The following RGS11 variants were observed in gnomAD, a reference collection of about 807,000 sequenced individuals.
RGS11 encodes the protein regulator of G protein signaling 11, also known as regulator of G-protein signaling 11.
Under a neutral mutation model 71.1 loss-of-function variants are expected in RGS11, and 86 were observed. The ratio of observed to expected loss-of-function variants is 1.21; its 90% CI spans 1.02 to 1.45. RGS11 has a LOEUF of 1.45. Ranked by LOEUF, RGS11 falls within the 40% of genes most tolerant of loss-of-function variation. RGS11 has a pLI of 0.00. For missense variants in RGS11, 734 were observed against 635.1 expected (o/e 1.16, Z -1.67); for synonymous variants, 298 against 254.2 (o/e 1.17, Z -1.64).
In RGS11 at chr16:274,993, T is replaced by A. The variant is rs757610155; in HGVS notation, c.301A>T (p.Thr101Ser). Residue 101 changes from threonine to serine, a missense_variant, in exon 4 of 17, where the codon ACG (threonine) becomes TCG (serine). By Grantham distance (58) the Thr-to-Ser change is moderately conservative. Transcript: ENST00000397770. Reference protein sequence around the residue: ...PRSLMLRPDETPYRFQTPYFW... With the variant: ...PRSLMLRPDESPYRFQTPYFW... ...AGCCTGACCTGGAACCTGTAGGGCG[T>A]CTCGTCTGGCCGGAGCATGAGGCTA... 1 of 1,540,398 alleles carries A rather than the reference T, an allele frequency of 6.5e-7. No individual in the cohort carries two copies. The highest frequency in any genetic ancestry group is 8.8e-7 in the Non-Finnish European group (1 of 1,141,342).
At chr16:271,784 A>G (rs756240162) in intron 9 of RGS11, 18 of 592,696 alleles carry the variant, frequency 3.0e-5, no homozygotes, top group Admixed American at 6.0e-5. Context: ...GATCTGTGGA[A>G]TATTCCACGG....
At chr16:271,854 T>G (rs2051956252) in intron 9 of RGS11, 1 of 504,958 alleles carries the variant, frequency 2.0e-6, no homozygotes, top group Non-Finnish European at 3.5e-6. Flanking sequence ...TATTATTTTT[T>G]TGAGACAGTT....
chr16:271,718 CCCCTTCTTCCAAT>C, intron 9 of RGS11, 149 bp from the exon 10 acceptor site: 1 of 703,434 alleles, frequency 1.4e-6, no homozygotes, highest in Non-Finnish European at 2.4e-6. Context: ...CCCCTTGGAG[CCCCTTCTTCCAAT>C]CAGGGATCTT....
intron 8 of RGS11, 76 bp from the exon 9 acceptor site, chr16:273,007 C>T: frequency 7.6e-7 from 1 of 1,317,882 alleles, no homozygotes; most frequent in Non-Finnish European, 1.0e-6. Flanking sequence ...TTCCCCCTCC[C>T]AGACCCCCAT....
At chr16:275,642 CG>C (rs1286841935) in intron 1 of RGS11, 144 bp from the exon 2 acceptor site, 10 of 658,176 alleles carry the variant, frequency 1.5e-5, no homozygotes, top group Non-Finnish European at 2.3e-5. Context: ...GGCGGGGACG[CG>C]GGGCGGGCCG....
intron 9 of RGS11, chr16:272,268 G>A (rs2051971967): frequency 1.6e-6 from 2 of 1,239,118 alleles, no homozygotes; most frequent in African/African-American, 1.5e-5. Context: ...GGCCAGAGCG[G>A]AGGAGGCGGA....
Position 268,976 on chromosome 16 carries a change from C to G in RGS11, c.*293G>C. On this transcript the variant is annotated 3_prime_UTR_variant, in exon 17 of 17. Transcript: ENST00000397770. The stretch of plus-strand genomic sequence containing the variant: ...ACTGAAGACCAGAGAAGGTGGAGCT[C>G]CCTGTGGCCTTGGTCTCACCTCTCT... 6.5e-7 allele frequency: 1 copy of G among 1,537,620 alleles called. No individual in the cohort carries two copies. Among genetic ancestry groups the G allele is most frequent in the South Asian group, 1.2e-5 (1 of 83,784 alleles).
intron 9 of RGS11, 74 bp from the exon 10 acceptor site, chr16:271,643 C>G: frequency 6.9e-7 from 1 of 1,439,402 alleles, no homozygotes. Context: ...CAGGAGGGCA[C>G]CTCCCCAGGC....
chr16:269,884 G>A, intron 15 of RGS11: 2 of 351,652 alleles, frequency 5.7e-6, no homozygotes, highest in Middle Eastern at 8.1e-4. Context: ...ATGGCTCCGT[G>A]TGCCCCACAG....
chr16:275,205 C>G, intron 3 of RGS11, 78 bp downstream of exon 3: 1 of 1,605,436 alleles, frequency 6.2e-7, no homozygotes, highest in Non-Finnish European at 8.5e-7. Context: ...GCTCTGAGAA[C>G]TGCCAGACTC....
At chr16:270,240 C>G (rs1188101056) in intron 15 of RGS11, among the ~76,000 whole-genome samples, 1 of 146,258 alleles carries the variant, frequency 6.8e-6, no homozygotes, top group African/African-American at 2.8e-5. Flanking sequence ...CAGAGCGAGA[C>G]TCGCCTCAAA....
chr16:269,532 C>T lies in RGS11; in HGVS notation c.1260G>A (p.Glu420=). 1.2e-6 allele frequency: 2 copies of T among 1,613,438 alleles called. No individual in the cohort carries two copies. The highest frequency in any genetic ancestry group is 1.6e-4 in the Middle Eastern group (1 of 6,062). The change falls in exon 16 of 17, where the codon GAG becomes GAA. Residue 420 remains glutamate, a synonymous_variant. Transcript: ENST00000397770. ...KSDMYKALLA[E]AGIPLEMKRR... ...TCTTCATCTCCAGCGGGATCCCAGC[C>T]TCTGCCAGGAGGGCCTTGTACATGT...
Position 269,065 on chromosome 16 carries a change from C to A in RGS11, c.*204G>T. ...TGAACCCCCTCCCTGGGAATCCACA[C>A]CTGGACCCATTCCTTCTGGGCAGGG... On this transcript the variant is annotated 3_prime_UTR_variant, in exon 17 of 17. Transcript: ENST00000397770. 9.8e-7 allele frequency: 1 copy of A among 1,018,806 alleles called. No homozygotes were observed. Among genetic ancestry groups the A allele is most frequent in the Non-Finnish European group, 1.5e-6 (1 of 663,052 alleles). 63.1% of individuals were successfully genotyped at this position (1,018,806 alleles called of 1,614,324 possible). A position where few individuals can be genotyped will look rare whatever the true frequency, so the allele number is the denominator to read the frequency against.
intron 4 of RGS11, 38 bp from the exon 5 acceptor site, chr16:274,303 C>T (rs778231267): frequency 1.3e-5 from 21 of 1,586,922 alleles, no homozygotes; most frequent in South Asian, 3.4e-5. Flanking sequence ...AGGACGCCTG[C>T]GTCTGTGCCT....
chr16:275,463 G>A lies in RGS11; in HGVS notation c.99C>T (p.Asp33=). The A allele has an allele frequency of 6.3e-7, 1 of 1,592,650 alleles. No individual in the cohort carries two copies. Reference sequence around the variant, plus strand: ...GCTGGCTCCGCATCTTCACGCCCTGGTCGGGGTCCTGCATGCTCACGACCA... The same window carrying A: ...GCTGGCTCCGCATCTTCACGCCCTGATCGGGGTCCTGCATGCTCACGACCA... ...ERVVVSMQDP[D]QGVKMRSQRL... Residue 33 remains aspartate (D), a synonymous_variant, in exon 2 of 17, where the codon GAC becomes GAT. Transcript: ENST00000397770.
At position 275,451 on chromosome 16, in the gene RGS11, C is replaced by T. The variant is rs1194900686; in HGVS notation, c.111G>A (p.Lys37=). The T allele has an allele frequency of 7.5e-6, 12 of 1,596,990 alleles. No homozygotes were observed. Among genetic ancestry groups the T allele is most frequent in the East Asian group, 2.2e-5 (1 of 44,670 alleles). The change falls in exon 2 of 17, where the codon AAG becomes AAA. Residue 37 remains lysine (K), a synonymous_variant. Transcript: ENST00000397770. ...VSMQDPDQGV[K]MRSQRLLVTV... is the part of the protein sequence containing the mutation. ...TGACCAGCAGGCGCTGGCTCCGCAT[C>T]TTCACGCCCTGGTCGGGGTCCTGCA... is the stretch of plus-strand genomic sequence containing the variant.
Position 269,364 on chromosome 16 carries a change from T to C in RGS11, c.1309A>G (p.Arg437Gly). The C allele has an allele frequency of 6.2e-7, 1 of 1,603,460 alleles. No homozygotes were observed. ...GGGCTGGGGCTCGAGTGCCGTGGCC[T>C]CCACGTAAACGGGAACACGCTGTGG... ...MKRRVFPFTW[R>G]PRHSSPSPAL... The change falls in exon 17 of 17, where the codon AGG (arginine) becomes GGG (glycine). Residue 437 changes from arginine (R) to glycine (G), a missense_variant. Coordinates refer to ENST00000397770, the MANE Select transcript of RGS11 (RefSeq NM_183337.3).
Position 274,033 on chromosome 16 carries a change from G to GC in RGS11, c.429+9_429+10insG. ...TACCCAGCCGGGGCGGGAAGGGTGG[G>GC]GGGTCCCACCTTCTCATAATCCACC... is the stretch of plus-strand genomic sequence containing the variant. On this transcript the variant is annotated intron_variant, in intron 6 of 16. Transcript: ENST00000397770. 1 of 1,549,444 alleles carries GC rather than the reference G, an allele frequency of 6.5e-7. No homozygotes were observed. Among genetic ancestry groups the GC allele is most frequent in the Non-Finnish European group, 8.7e-7 (1 of 1,146,604 alleles).
chr16:273,113 G>A (rs2052009621), intron 8 of RGS11, among the ~76,000 whole-genome samples, 182 bp from the exon 9 acceptor site: 1 of 152,016 alleles, frequency 6.6e-6, no homozygotes, highest in African/African-American at 2.4e-5. Flanking sequence ...CTGTCCACCG[G>A]GCCTCCCCAC....
Sources: allele counts gnomAD v4.1 joint callset (sites outside exome capture counted in the v4.1 genomes callset), GRCh38; gene constraint gnomAD v4.1.1; transcripts MANE v1.5; gene names NCBI Gene and HGNC (gene_info 2026-07-23, HGNC 2026-07-21).